The following MYT1L variants were observed in gnomAD, a reference collection of about 807,000 sequenced individuals.
MYT1L encodes myelin transcription factor 1 like, also known as myelin transcription factor 1-like protein.
A neutral mutation model predicts 126.7 loss-of-function variants in MYT1L; 12 were observed. The observed-to-expected ratio is 0.09, with a 90% confidence interval of 0.06 to 0.15. The LOEUF (loss-of-function observed/expected upper bound fraction) is 0.15, where lower values mean the gene tolerates loss of function less well. MYT1L is among the 10% of genes least tolerant of loss of function. The pLI, the probability that MYT1L is intolerant of heterozygous loss-of-function variation, is 1.00. For synonymous variants in MYT1L, 541 were observed against 604.2 expected, an observed-to-expected ratio of 0.90 and a Z score of 1.53; for missense variants, 979 against 1,585.2, an observed-to-expected ratio of 0.62 and a Z score of 6.49.
At chr2:2,257,260 C>A (rs1316015361) in intron 2 of MYT1L, among the ~76,000 whole-genome samples, 1 of 152,170 alleles carries the variant, frequency 6.6e-6, no homozygotes, top group Non-Finnish European at 1.5e-5. Flanking sequence ...AAACACACAG[C>A]CCCTGCAATT....
chr2:2,279,358 T>C (rs1281669764), intron 2 of MYT1L, among the ~76,000 whole-genome samples: 1 of 149,428 alleles, frequency 6.7e-6, no homozygotes, highest in Non-Finnish European at 1.5e-5. Flanking sequence ...AGAAGTATTA[T>C]AATGATTAAG....
chr2:1,925,583 G>A (rs1287917447), intron 9 of MYT1L, among the ~76,000 whole-genome samples: 2 of 152,028 alleles, frequency 1.3e-5, no homozygotes, highest in African/African-American at 4.8e-5. Flanking sequence ...AACAAAAATG[G>A]ACAAGCCTCT....
chr2:1,957,005 T>G (rs2058537736), intron 8 of MYT1L, among the ~76,000 whole-genome samples: 1 of 152,122 alleles, frequency 6.6e-6, no homozygotes, highest in Non-Finnish European at 1.5e-5. Context: ...CAGGAAGGGG[T>G]CCTCAGGGCC....
intron 3 of MYT1L, among the ~76,000 whole-genome samples, chr2:2,124,963 G>A (rs1264771143): frequency 6.6e-6 from 1 of 152,178 alleles, no homozygotes; most frequent in Non-Finnish European, 1.5e-5. Flanking sequence ...CTTACCTTGT[G>A]AGTGACTTTC....
At position 1,892,222 on chromosome 2, in the gene MYT1L, TGCTGCTGGGCGCGTA is replaced by T. The variant is rs2048977369; in HGVS notation, c.2083_2097del (p.Tyr695_Ser699del). On this transcript the variant is annotated inframe_deletion, in exon 15 of 25. Transcript: ENST00000647738. The stretch of plus-strand genomic sequence containing the variant: ...CCCCCGCCGCAGCTCAGGTTGCTGC[TGCTGCTGGGCGCGTA>T]GCTGCTGGTGCTGCTGCTGCTGGGG... 2 of 1,550,124 alleles carry T rather than the reference TGCTGCTGGGCGCGTA, an allele frequency of 1.3e-6. No individual in the cohort carries two copies. Among genetic ancestry groups the T allele is most frequent in the South Asian group, 1.2e-5 (1 of 84,022 alleles).
chr2:2,136,847 G>C (rs1400731778), intron 3 of MYT1L, among the ~76,000 whole-genome samples: 1 of 152,122 alleles, frequency 6.6e-6, no homozygotes, highest in African/African-American at 2.4e-5. Context: ...AGGGCAATTA[G>C]GCAGGAAAAG....
chr2:1,939,501 C>T (rs1028738541), intron 9 of MYT1L, among the ~76,000 whole-genome samples: 1 of 152,204 alleles, frequency 6.6e-6, no homozygotes, highest in Non-Finnish European at 1.5e-5. Context: ...GCACATCTCA[C>T]ATTAAAGATG....
At position 1,943,036 on chromosome 2, in the gene MYT1L, C is replaced by T. The variant is rs2056827093; in HGVS notation, c.451G>A (p.Asp151Asn). Reference sequence around the variant, plus strand: ...TCCTCCTCCTCTTCCTCTTCTTCATCCTCCACATCTTCTCCATCCTCGTCA... The same window carrying T: ...TCCTCCTCCTCTTCCTCTTCTTCATTCTCCACATCTTCTCCATCCTCGTCA... Reference protein sequence around the residue: ...DDDEDGEDVEDEEEEEEEEEE... With the variant: ...DDDEDGEDVENEEEEEEEEEE... Residue 151 changes from aspartate (D) to asparagine (N), a missense_variant, in exon 9 of 25, where the codon GAT becomes AAT. By Grantham distance (23) the Asp-to-Asn change is conservative (BLOSUM62 1). Transcript: ENST00000647738. This position sits in a 1 kb window ranked among gnomAD's most constrained non-coding sequence, Gnocchi z 4.4. 1 of 1,502,692 alleles carries T rather than the reference C, an allele frequency of 6.7e-7. No homozygotes were observed. The highest frequency in any genetic ancestry group is 9.1e-7 in the Non-Finnish European group (1 of 1,102,640). The allele number at this position is 1,502,692 out of a possible 1,614,324, so 93.1% of individuals were successfully genotyped here.
chr2:2,271,213 T>A (rs143720094), intron 2 of MYT1L, among the ~76,000 whole-genome samples: 92 of 152,282 alleles, frequency 6.0e-4, no homozygotes, highest in African/African-American at 2.2e-3. Context: ...GCCAACAACA[T>A]GGATTTTTAA....
intron 8 of MYT1L, among the ~76,000 whole-genome samples, chr2:1,967,469 A>G (rs991419592): frequency 6.6e-6 from 1 of 152,218 alleles, no homozygotes; most frequent in Non-Finnish European, 1.5e-5. Context: ...TCACTGGTTC[A>G]GCCCCGGAAT....
chr2:2,172,067 C>T (rs1024891522), intron 3 of MYT1L, among the ~76,000 whole-genome samples: 1 of 152,134 alleles, frequency 6.6e-6, no homozygotes, highest in African/African-American at 2.4e-5. Flanking sequence ...GAAGATAATA[C>T]CAGAGTTCCC....
At chr2:1,869,136 C>T (rs553739200) in intron 18 of MYT1L, among the ~76,000 whole-genome samples, 6 of 152,330 alleles carry the variant, frequency 3.9e-5, no homozygotes, top group Admixed American at 3.3e-4. Context: ...AAACCAGAAT[C>T]ACGTGTTAGC....
chr2:2,086,882 T>G (rs531212034), intron 3 of MYT1L, among the ~76,000 whole-genome samples: 1 of 152,306 alleles, frequency 6.6e-6, no homozygotes, highest in Non-Finnish European at 1.5e-5. Flanking sequence ...GCCTCACAGC[T>G]CCGGGGATGC....
At chr2:2,281,542 A>T (rs1174208095) in intron 2 of MYT1L, among the ~76,000 whole-genome samples, 3 of 152,254 alleles carry the variant, frequency 2.0e-5, no homozygotes, top group Non-Finnish European at 2.9e-5. Context: ...AACTGAGGCC[A>T]AAATGTGTTG....
At chr2:2,131,516 T>C (rs2082346205) in intron 3 of MYT1L, among the ~76,000 whole-genome samples, 1 of 152,218 alleles carries the variant, frequency 6.6e-6, no homozygotes, top group South Asian at 2.1e-4. Flanking sequence ...ATAAATGTGA[T>C]GCCCACCATT....
intron 8 of MYT1L, among the ~76,000 whole-genome samples, chr2:1,958,589 G>C (rs2149370005): frequency 6.6e-6 from 1 of 152,336 alleles, no homozygotes; most frequent in South Asian, 2.1e-4. Context: ...GGGCAAGCTG[G>C]CCAGGGCTCC....
intron 23 of MYT1L, among the ~76,000 whole-genome samples, chr2:1,796,667 C>CG (rs1330369179): frequency 2.0e-5 from 3 of 151,170 alleles, no homozygotes; most frequent in Non-Finnish European, 2.9e-5. Context: ...GTTTGGGCCA[C>CG]GGGGGGCAGC....
At chr2:1,907,284 G>C (rs2051211816) in intron 13 of MYT1L, among the ~76,000 whole-genome samples, 1 of 152,122 alleles carries the variant, frequency 6.6e-6, no homozygotes, top group Non-Finnish European at 1.5e-5. Context: ...TTACAGAATG[G>C]GTTGATTTTT....
At chr2:2,160,654 C>T (rs557949986) in intron 3 of MYT1L, among the ~76,000 whole-genome samples, 1 of 152,268 alleles carries the variant, frequency 6.6e-6, no homozygotes. Flanking sequence ...AAGAAGATGC[C>T]ACAAGATCAA....
Sources: allele counts gnomAD v4.1 joint callset (sites outside exome capture counted in the v4.1 genomes callset), GRCh38; gene constraint gnomAD v4.1.1; non-coding constraint Gnocchi (gnomAD v3.1); transcripts MANE v1.5; gene names NCBI Gene and HGNC (gene_info 2026-07-23, HGNC 2026-07-21).